The following ZC3H18 variants were observed in gnomAD, a reference collection of about 807,000 sequenced individuals.
The protein encoded by ZC3H18 is zinc finger CCCH-type containing 18, also known as zinc finger CCCH domain-containing protein 18.
A neutral mutation model predicts 106.1 loss-of-function variants in ZC3H18; 8 were observed. The ratio of observed to expected loss-of-function variants is 0.08; its 90% confidence interval spans 0.04 to 0.14. ZC3H18 has a LOEUF of 0.14. Ranked by LOEUF, ZC3H18 falls within the 10% of genes least tolerant of loss-of-function variation. ZC3H18 has a pLI of 1.00. For synonymous variants in ZC3H18, 635 were observed against 522.1 expected (o/e 1.22, Z -2.95); for missense variants, 1,318 against 1,278.4 (o/e 1.03, Z -0.47).
chr16:88,626,712 G>A (rs1183285737), intron 13 of ZC3H18: 1 of 149,930 alleles, frequency 6.7e-6, no homozygotes, highest in Admixed American at 6.6e-5. Flanking sequence ...AAAAAAAAAT[G>A]GTTCTCTTAC....
chr16:88,624,226 C>G (rs1243127267), intron 11 of ZC3H18, 164 bp downstream of exon 11: 1 of 945,564 alleles, frequency 1.1e-6, no homozygotes, highest in Non-Finnish European at 1.5e-6. Context: ...CTGGGCACAG[C>G]TCCTGTTCTC....
At chr16:88,589,563 C>T (rs965679878) in intron 3 of ZC3H18, among the ~76,000 whole-genome samples, 2 of 152,204 alleles carry the variant, frequency 1.3e-5, no homozygotes, top group Non-Finnish European at 2.9e-5. Flanking sequence ...CAGAAGGCCA[C>T]AGGTCCACAG....
chr16:88,580,189 T>A (rs897295918), intron 2 of ZC3H18, among the ~76,000 whole-genome samples: 25 of 79,144 alleles, frequency 3.2e-4, no homozygotes, highest in South Asian at 1.2e-3. Flanking sequence ...TGTGTGTGTG[T>A]GTGTGTGTGT....
intron 8 of ZC3H18, among the ~76,000 whole-genome samples, chr16:88,611,828 G>A (rs767073184): frequency 6.6e-6 from 1 of 152,230 alleles, no homozygotes; most frequent in Non-Finnish European, 1.5e-5. Context: ...AAACATCGGT[G>A]TGTTTTAATA....
chr16:88,617,688 G>A (rs1046080342), intron 8 of ZC3H18, among the ~76,000 whole-genome samples: 4 of 152,222 alleles, frequency 2.6e-5, no homozygotes, highest in African/African-American at 9.6e-5. Context: ...GTGGGGTTGT[G>A]GGGTGGACCC....
intron 2 of ZC3H18, among the ~76,000 whole-genome samples, chr16:88,579,865 C>G (rs1053109346): frequency 5.3e-5 from 8 of 152,202 alleles, no homozygotes; most frequent in Non-Finnish European, 1.2e-4. Context: ...GTGGACCTTG[C>G]TGTGCCACAT....
rs1324188742 is a variant in ZC3H18, at chr16:88,572,829, C to T, written c.-15+2263C>T. 5.3e-5 allele frequency among the ~76,000 whole-genome samples: 8 copies of T among 152,020 alleles called. 1 individual carries two copies. The highest frequency in any genetic ancestry group is 8.8e-5 in the Non-Finnish European group (6 of 67,942). On this transcript the variant is annotated intron_variant, in intron 1 of 17. Transcript: ENST00000301011. The stretch of plus-strand genomic sequence containing the variant: ...CTGGAGTGCAGTGGCATGATCTCGG[C>T]TCACTGCAACCTCCTCCTCCTGGGT...
intron 6 of ZC3H18, 138 bp downstream of exon 6, chr16:88,600,086 GA>G: frequency 5.2e-6 from 6 of 1,148,470 alleles, no homozygotes; most frequent in Non-Finnish European, 7.4e-6. Context: ...TGACGTTCCT[GA>G]GAGCATTCAG....
intron 8 of ZC3H18, among the ~76,000 whole-genome samples, chr16:88,613,333 T>C (rs1905377682): frequency 6.6e-6 from 1 of 152,260 alleles, no homozygotes; most frequent in African/African-American, 2.4e-5. Context: ...TGTGTGGACA[T>C]AGGTTTCCAT....
intron 16 of ZC3H18, among the ~76,000 whole-genome samples, chr16:88,629,974 A>G (rs1906558039): frequency 6.6e-6 from 1 of 152,218 alleles, no homozygotes; most frequent in African/African-American, 2.4e-5. Flanking sequence ...CTGGTCTGGA[A>G]CAGCCTTGCT....
intron 8 of ZC3H18, among the ~76,000 whole-genome samples, chr16:88,613,641 C>T (rs1597349819): frequency 6.6e-6 from 1 of 152,172 alleles, no homozygotes; most frequent in South Asian, 2.1e-4. Flanking sequence ...TGTATATCTT[C>T]TTTGGAGAAA....
At chr16:88,585,086 C>G (rs993224770) in intron 2 of ZC3H18, among the ~76,000 whole-genome samples, 6 of 152,120 alleles carry the variant, frequency 3.9e-5, no homozygotes, top group African/African-American at 7.2e-5. Context: ...ACTAAAAGAC[C>G]AGAGAAGAGA....
chr16:88,570,878 C>T (rs1182738468), intron 1 of ZC3H18, among the ~76,000 whole-genome samples: 1 of 152,252 alleles, frequency 6.6e-6, no homozygotes, highest in African/African-American at 2.4e-5. Context: ...TCTTCCGGGC[C>T]ACTCGCGTGG....
intron 3 of ZC3H18, among the ~76,000 whole-genome samples, chr16:88,594,138 C>T (rs1029541145): frequency 1.3e-5 from 2 of 152,158 alleles, no homozygotes; most frequent in Non-Finnish European, 2.9e-5. Flanking sequence ...AGCGGCCCTT[C>T]ATGGTCGATC....
At chr16:88,586,534 G>T in intron 2 of ZC3H18, 66 bp from the exon 3 acceptor site, 1 of 1,349,364 alleles carries the variant, frequency 7.4e-7, no homozygotes, top group Non-Finnish European at 1.1e-6. Context: ...GCCCCTTCTG[G>T]TTTGGAGAAA....
At chr16:88,591,852 C>T (rs562937486) in intron 3 of ZC3H18, among the ~76,000 whole-genome samples, 2 of 151,998 alleles carry the variant, frequency 1.3e-5, no homozygotes, top group South Asian at 4.2e-4. Context: ...TGTGTTTCAT[C>T]TTTTGAGGAA....
chr16:88,624,755 C>G lies in ZC3H18; in HGVS notation c.2042+10C>G. On this transcript the variant is annotated intron_variant, in intron 12 of 17. Transcript: ENST00000301011. ...GGACCCCCCCCAGGAGGTGAGCACT[C>G]CGGCGTCCGGGGCCCTCAGGCTTTC... is the stretch of plus-strand genomic sequence containing the variant. The G allele has an allele frequency of 1.2e-6, 2 of 1,606,602 alleles. No individual in the cohort carries two copies. Among genetic ancestry groups the G allele is most frequent in the Non-Finnish European group, 1.7e-6 (2 of 1,177,140 alleles).
At chr16:88,630,356 T>C (rs1250632531) in intron 16 of ZC3H18, 129 bp from the exon 17 acceptor site, 2 of 652,386 alleles carry the variant, frequency 3.1e-6, no homozygotes, top group African/African-American at 1.8e-5. Flanking sequence ...TTTATTTCTT[T>C]ATAAAAATGA....
At chr16:88,628,974 C>CAGGCA in intron 16 of ZC3H18, 120 bp downstream of exon 16, 3 of 878,058 alleles carry the variant, frequency 3.4e-6, no homozygotes, top group Non-Finnish European at 5.4e-6. Flanking sequence ...GAACATCTGA[C>CAGGCA]TTGCAGATGA....
Sources: gnomAD v4.1 joint callset for allele counts (sites outside exome capture counted in the v4.1 genomes callset) on GRCh38, gnomAD v4.1.1 for gene constraint, MANE v1.5 for transcripts, NCBI Gene and HGNC (gene_info 2026-07-23, HGNC 2026-07-21) for gene names.